PPP2R5A: variants seen among roughly 807,000 people sequenced by gnomAD.
PPP2R5A encodes protein phosphatase 2 regulatory subunit B'alpha.
In PPP2R5A, 25 loss-of-function variants were observed where a neutral mutation model predicts 64.2. The observed-to-expected ratio is 0.39, with a 90% CI of 0.28 to 0.54. The LOEUF (loss-of-function observed/expected upper bound fraction) is 0.54, where lower values mean the gene tolerates loss of function less well. Among genes scored for constraint, PPP2R5A ranks in the 20% least tolerant of loss-of-function variants. The pLI is 0.67. For missense variants in PPP2R5A, 425 were observed against 576.3 expected, an observed-to-expected ratio of 0.74 and a Z score of 2.69; for synonymous variants, 198 against 201.2, an observed-to-expected ratio of 0.98 and a Z score of 0.13.
intron 1 of PPP2R5A, among the ~76,000 whole-genome samples, chr1:212,304,464 G>A (rs1473529021): frequency 1.3e-5 from 2 of 151,936 alleles, no homozygotes; most frequent in African/African-American, 4.8e-5. Flanking sequence ...CAGGAGAATC[G>A]CTTGAACCTG....
At chr1:212,298,778 C>T (rs1655020864) in intron 1 of PPP2R5A, among the ~76,000 whole-genome samples, 3 of 22,240 alleles carry the variant, frequency 1.3e-4, no homozygotes, top group African/African-American at 1.2e-3. Flanking sequence ...CCCTCCCGGA[C>T]GGGGCGGCTG....
chr1:212,357,119 A>AT, intron 10 of PPP2R5A, 38 bp from the exon 11 acceptor site: 1 of 1,580,218 alleles, frequency 6.3e-7, no homozygotes. Context: ...TTTCTTTCCT[A>AT]TTTTAGTTTT....
At chr1:212,300,096 T>C (rs555669910) in intron 1 of PPP2R5A, among the ~76,000 whole-genome samples, 3 of 152,298 alleles carry the variant, frequency 2.0e-5, no homozygotes, top group Admixed American at 1.3e-4. Flanking sequence ...TTAACAGGTG[T>C]GAGCCACCGC....
chr1:212,286,023 G>T lies in PPP2R5A; in HGVS notation c.-88G>T. On this transcript the variant is annotated 5_prime_UTR_variant, in exon 1 of 13. Coordinates refer to ENST00000261461, the MANE Select transcript of PPP2R5A (RefSeq NM_006243.4). ...GGGCGCAGGGGCGCGAGCACCCCGC[G>T]CCTCTCCCCCGCCTCCTCCTGCCGT... 7.4e-7 allele frequency: 1 copy of T among 1,346,640 alleles called. No homozygotes were observed. 83.4% of individuals were successfully genotyped at this position (1,346,640 alleles called of 1,614,324 possible).
chr1:212,339,657 A>G (rs368915960), intron 3 of PPP2R5A, among the ~76,000 whole-genome samples: 5 of 152,210 alleles, frequency 3.3e-5, no homozygotes, highest in African/African-American at 9.7e-5. Flanking sequence ...ACAGGTTTCA[A>G]TTATATATAT....
chr1:212,310,206 A>G (rs1292485604), intron 1 of PPP2R5A, among the ~76,000 whole-genome samples: 1 of 152,106 alleles, frequency 6.6e-6, no homozygotes, highest in Non-Finnish European at 1.5e-5. Context: ...GACTAATCCA[A>G]TCAAATCCAG....
At chr1:212,335,087 A>G (rs1659570041) in intron 3 of PPP2R5A, among the ~76,000 whole-genome samples, 1 of 151,784 alleles carries the variant, frequency 6.6e-6, no homozygotes, top group Admixed American at 6.6e-5. Flanking sequence ...TCATTTATAT[A>G]TGGATTCTAG....
chr1:212,320,312 C>T (rs1052574765), intron 1 of PPP2R5A, among the ~76,000 whole-genome samples: 18 of 152,322 alleles, frequency 1.2e-4, no homozygotes, highest in African/African-American at 4.3e-4. Context: ...TTTCTTAGTA[C>T]AGAACAAAAT....
At chr1:212,321,658 C>G (rs1659297221) in intron 1 of PPP2R5A, among the ~76,000 whole-genome samples, 1 of 135,588 alleles carries the variant, frequency 7.4e-6, no homozygotes, top group South Asian at 2.1e-4. Flanking sequence ...CTCCTCACTT[C>G]CTAGATGGGA....
In PPP2R5A at chr1:212,324,706, G is replaced by A. The variant is rs369840308; in HGVS notation, c.182-4429G>A. Among the ~76,000 whole-genome samples, 16 of 151,734 alleles carry A rather than the reference G, an allele frequency of 1.1e-4. No individual in the cohort carries two copies. The East Asian group carries it at 1.2e-3, about 11-fold the overall frequency. On this transcript the variant is annotated intron_variant, in intron 1 of 12. Coordinates refer to ENST00000261461, the MANE Select transcript of PPP2R5A (RefSeq NM_006243.4). ...TGCAAGCTCTGCCTCCCGGGTTCACGCCATTCTTCTGCCTCAGCCTCCTGA... is the reference window on the plus strand; with the variant it reads ...TGCAAGCTCTGCCTCCCGGGTTCACACCATTCTTCTGCCTCAGCCTCCTGA...
At position 212,286,354 on chromosome 1, in the gene PPP2R5A, C is replaced by T. The variant is rs938498844; in HGVS notation, c.181+63C>T. The T allele has an allele frequency of 8.7e-6, 12 of 1,382,564 alleles. No individual in the cohort carries two copies. The African/African-American group carries it at 1.2e-4, about 14-fold the overall frequency. 85.6% of individuals were successfully genotyped at this position (1,382,564 alleles called of 1,614,324 possible). A position where few individuals can be genotyped will look rare whatever the true frequency, so the allele number is the denominator to read the frequency against. ...GGGCTGGCAACGCTTGCCTCTGCGC[C>T]AGCAGAGCCATTTCCTGCTGGGTTT... is the stretch of plus-strand genomic sequence containing the variant. On this transcript the variant is annotated intron_variant, in intron 1 of 12. Coordinates refer to ENST00000261461, the MANE Select transcript of PPP2R5A (RefSeq NM_006243.4).
At chr1:212,347,473 G>T in intron 6 of PPP2R5A, 67 bp downstream of exon 6, 1 of 1,199,328 alleles carries the variant, frequency 8.3e-7, no homozygotes. Context: ...TAAAATCTTA[G>T]CTGGGGTTGG....
At chr1:212,304,147 C>T (rs905238930) in intron 1 of PPP2R5A, among the ~76,000 whole-genome samples, 11 of 152,134 alleles carry the variant, frequency 7.2e-5, no homozygotes, top group Admixed American at 2.6e-4. Flanking sequence ...TTTGTCTCAA[C>T]GTATTTTTTA....
chr1:212,326,591 C>T (rs781353104), intron 1 of PPP2R5A, among the ~76,000 whole-genome samples: 15 of 151,364 alleles, frequency 9.9e-5, no homozygotes, highest in African/African-American at 2.4e-4. Flanking sequence ...AGTGAGACTC[C>T]GTCTCAAAAA....
intron 4 of PPP2R5A, among the ~76,000 whole-genome samples, chr1:212,344,005 CTT>C (rs1234144520): frequency 6.6e-6 from 1 of 152,086 alleles, no homozygotes; most frequent in East Asian, 1.9e-4. Context: ...CTGTTTTGCT[CTT>C]GTTGCCCAGG....
chr1:212,288,819 C>G (rs961713266), intron 1 of PPP2R5A, among the ~76,000 whole-genome samples: 2 of 152,094 alleles, frequency 1.3e-5, no homozygotes, highest in African/African-American at 4.8e-5. Flanking sequence ...TGGAGTGATT[C>G]AGATATCCAT....
At chr1:212,348,257 G>C (rs1383654195) in intron 6 of PPP2R5A, 132 bp from the exon 7 acceptor site, 3 of 637,698 alleles carry the variant, frequency 4.7e-6, no homozygotes, top group Non-Finnish European at 8.2e-6. Context: ...TCCTAAAGTA[G>C]TTTGAAGATG....
intron 3 of PPP2R5A, among the ~76,000 whole-genome samples, chr1:212,341,831 C>T (rs990448323): frequency 6.6e-6 from 1 of 152,050 alleles, no homozygotes; most frequent in Admixed American, 6.6e-5. Flanking sequence ...CCTTGACCTC[C>T]AGACTCAAGC....
intron 2 of PPP2R5A, among the ~76,000 whole-genome samples, chr1:212,329,796 C>T (rs1468735328): frequency 6.6e-6 from 1 of 152,152 alleles, no homozygotes; most frequent in African/African-American, 2.4e-5. Flanking sequence ...CAGGTGCCCA[C>T]GACCACGCCC....
Sources: gnomAD v4.1 joint callset for allele counts (sites outside exome capture counted in the v4.1 genomes callset) on GRCh38, gnomAD v4.1.1 for gene constraint, MANE v1.5 for transcripts, NCBI Gene and HGNC (gene_info 2026-07-23, HGNC 2026-07-21) for gene names.